CCBE1: variants seen among roughly 807,000 people sequenced by gnomAD.
CCBE1 encodes collagen and calcium-binding EGF domain-containing protein 1.
A neutral mutation model predicts 50.0 loss-of-function variants in CCBE1; 37 were observed. The observed-to-expected ratio is 0.74, with a 90% CI of 0.57 to 0.97. The LOEUF is 0.97. Among genes scored for constraint, CCBE1 ranks in the 50% least tolerant of loss-of-function variants. The pLI is 0.00. For synonymous variants in CCBE1, 234 were observed against 203.7 expected (o/e 1.15, Z -1.27); for missense variants, 538 against 523.8 (o/e 1.03, Z -0.26).
At chr18:59,490,603 C>T (rs1306328878) in intron 2 of CCBE1, among the ~76,000 whole-genome samples, 1 of 152,180 alleles carries the variant, frequency 6.6e-6, no homozygotes, top group Non-Finnish European at 1.5e-5. Flanking sequence ...TACATACAGG[C>T]ATGTCTGCGC....
chr18:59,580,672 G>A (rs1354941537), intron 2 of CCBE1, among the ~76,000 whole-genome samples: 1 of 152,236 alleles, frequency 6.6e-6, no homozygotes, highest in East Asian at 1.9e-4. Flanking sequence ...AGGAGCTGGT[G>A]TCTGGACGAG....
chr18:59,570,198 C>T (rs936805107), intron 2 of CCBE1, among the ~76,000 whole-genome samples: 2 of 152,130 alleles, frequency 1.3e-5, no homozygotes, highest in Non-Finnish European at 2.9e-5. Context: ...CTAGATCACT[C>T]TGATATGAAT....
At chr18:59,552,437 C>G (rs765446698) in intron 2 of CCBE1, among the ~76,000 whole-genome samples, 3 of 152,208 alleles carry the variant, frequency 2.0e-5, no homozygotes, top group Non-Finnish European at 4.4e-5. Flanking sequence ...CTCCATCCAG[C>G]TTTTGTCAAG....
At chr18:59,548,486 G>T (rs1915793959) in intron 2 of CCBE1, among the ~76,000 whole-genome samples, 1 of 152,102 alleles carries the variant, frequency 6.6e-6, no homozygotes. Flanking sequence ...CAAGAACAGA[G>T]CAACTTAAAT....
At chr18:59,683,629 T>G (rs1599134741) in intron 2 of CCBE1, among the ~76,000 whole-genome samples, 1 of 150,896 alleles carries the variant, frequency 6.6e-6, no homozygotes, top group African/African-American at 2.4e-5. Context: ...ACCCAGGAGG[T>G]GGAGATTGCT....
rs1476713892 is a variant in CCBE1 at position 59,434,447 on chromosome 18, G to C, written c.*1461C>G. ...ATAAGCTGCTCATTGGAAACAAGAG[G>C]GCCCTCAACAACGTTACAAAGGAGC... On this transcript the variant is annotated 3_prime_UTR_variant, in exon 11 of 11. Coordinates refer to ENST00000439986, the MANE Select transcript of CCBE1 (RefSeq NM_133459.4). 6.6e-6 allele frequency: 1 copy of C among 152,112 alleles called. No homozygotes were observed. Among genetic ancestry groups the C allele is most frequent in the Non-Finnish European group, 1.5e-5 (1 of 68,034 alleles). The allele number at this position is 152,112 out of a possible 1,614,324, so 9.4% of individuals were successfully genotyped here.
chr18:59,484,430 T>C (rs576140917), intron 2 of CCBE1, among the ~76,000 whole-genome samples: 2 of 152,370 alleles, frequency 1.3e-5, no homozygotes, highest in East Asian at 1.9e-4. Context: ...CGTTTTAAAG[T>C]TCATGCAAAT....
At chr18:59,513,793 T>C (rs1225050697) in intron 2 of CCBE1, among the ~76,000 whole-genome samples, 1 of 152,172 alleles carries the variant, frequency 6.6e-6, no homozygotes, top group African/African-American at 2.4e-5. Flanking sequence ...GACATGGAAA[T>C]GGGGGCTCAG....
At chr18:59,451,433 TAA>T (rs34421089) in intron 6 of CCBE1, among the ~76,000 whole-genome samples, 11 of 99,352 alleles carry the variant, frequency 1.1e-4, no homozygotes, top group South Asian at 7.6e-4. Context: ...ACAAGCAACT[TAA>T]AAAAAAAAAA....
intron 2 of CCBE1, among the ~76,000 whole-genome samples, chr18:59,529,238 G>C (rs1460153332): frequency 6.6e-6 from 1 of 152,246 alleles, no homozygotes; most frequent in Non-Finnish European, 1.5e-5. Flanking sequence ...CAAAGAGGCA[G>C]TCTGGTCATG....
At chr18:59,517,497 T>G (rs1914422480) in intron 2 of CCBE1, among the ~76,000 whole-genome samples, 1 of 152,244 alleles carries the variant, frequency 6.6e-6, no homozygotes, top group South Asian at 2.1e-4. Context: ...TATCAAGTCA[T>G]GAAGGCACTA....
chr18:59,574,175 T>C (rs2052956963), intron 2 of CCBE1, among the ~76,000 whole-genome samples: 1 of 152,200 alleles, frequency 6.6e-6, no homozygotes, highest in Non-Finnish European at 1.5e-5. Context: ...GTGATCTGAT[T>C]ATAATAATGT....
intron 2 of CCBE1, among the ~76,000 whole-genome samples, chr18:59,606,337 A>C (rs2144572088): frequency 6.6e-6 from 1 of 152,314 alleles, no homozygotes; most frequent in South Asian, 2.1e-4. Context: ...ATCTGGGACA[A>C]AGACAATGTC....
At chr18:59,486,517 C>G (rs1912829783) in intron 2 of CCBE1, among the ~76,000 whole-genome samples, 1 of 152,208 alleles carries the variant, frequency 6.6e-6, no homozygotes, top group African/African-American at 2.4e-5. Context: ...GCCCCACACC[C>G]TATGGATTTA....
intron 5 of CCBE1, among the ~76,000 whole-genome samples, chr18:59,462,029 C>T (rs762086552): frequency 5.9e-5 from 9 of 152,130 alleles, no homozygotes; most frequent in Middle Eastern, 6.8e-3. Context: ...CTACCATCCC[C>T]GGCTGCCAAG....
At chr18:59,645,965 A>G (rs1433428379) in intron 2 of CCBE1, among the ~76,000 whole-genome samples, 2 of 151,874 alleles carry the variant, frequency 1.3e-5, no homozygotes, top group African/African-American at 4.8e-5. Flanking sequence ...CGGCAGACGG[A>G]GCTTGCAGTG....
At chr18:59,477,100 C>A (rs973669511) in intron 3 of CCBE1, among the ~76,000 whole-genome samples, 13 of 152,226 alleles carry the variant, frequency 8.5e-5, no homozygotes, top group Admixed American at 7.2e-4. Flanking sequence ...CTACTTTGGT[C>A]TCCTCATGCC....
chr18:59,498,730 T>G (rs530203356), intron 2 of CCBE1, among the ~76,000 whole-genome samples: 1 of 152,322 alleles, frequency 6.6e-6, no homozygotes, highest in African/African-American at 2.4e-5. Context: ...CTGGCTGGCT[T>G]TTTCTGAGGT....
chr18:59,459,985 G>T (rs191514169), intron 5 of CCBE1, among the ~76,000 whole-genome samples: 1 of 152,140 alleles, frequency 6.6e-6, no homozygotes, highest in Non-Finnish European at 1.5e-5. Flanking sequence ...TCACGGTCAC[G>T]TTATCAGAAA....
Sources: gnomAD v4.1 joint callset for allele counts (sites outside exome capture counted in the v4.1 genomes callset) on GRCh38, gnomAD v4.1.1 for gene constraint, MANE v1.5 for transcripts, NCBI Gene and HGNC (gene_info 2026-07-23, HGNC 2026-07-21) for gene names.